The following ELP4 variants were observed in gnomAD, a reference collection of about 807,000 sequenced individuals.
ELP4 encodes elongator acetyltransferase complex subunit 4.
ELP4 carries 51 observed loss-of-function variants against 48.9 expected under a neutral mutation model. That is an observed-to-expected ratio of 1.04 (90% CI 0.83 to 1.32). ELP4 has a LOEUF of 1.32. ELP4 is among the 40% of genes most tolerant of loss of function. The pLI is 0.00. For synonymous variants in ELP4, 210 were observed against 189.2 expected (o/e 1.11, Z -0.90); for missense variants, 519 against 514.6 (o/e 1.01, Z -0.08).
At chr11:31,676,602 C>T (rs558838548) in intron 9 of ELP4, among the ~76,000 whole-genome samples, 13 of 152,228 alleles carry the variant, frequency 8.5e-5, no homozygotes, top group African/African-American at 3.1e-4. Context: ...AAATTGTATA[C>T]AAGAATGAAT....
At chr11:31,556,704 G>A (rs372223303) in intron 3 of ELP4, among the ~76,000 whole-genome samples, 7 of 151,824 alleles carry the variant, frequency 4.6e-5, no homozygotes, top group African/African-American at 1.7e-4. Context: ...CTAAGATCGA[G>A]AGCAAAACAT....
chr11:31,672,067 AGCAAGG>A (rs1945821334), intron 9 of ELP4, among the ~76,000 whole-genome samples: 1 of 152,178 alleles, frequency 6.6e-6, no homozygotes, highest in Non-Finnish European at 1.5e-5. Flanking sequence ...GGGCTGGGGC[AGCAAGG>A]CTGATGACTA....
chr11:31,524,702 G>A (rs1956271135), intron 2 of ELP4, among the ~76,000 whole-genome samples: 1 of 152,170 alleles, frequency 6.6e-6, no homozygotes, highest in South Asian at 2.1e-4. Context: ...GAATATTATA[G>A]TATTTCTTGT....
chr11:31,699,558 C>T (rs1946477368), intron 9 of ELP4, among the ~76,000 whole-genome samples: 1 of 152,140 alleles, frequency 6.6e-6, no homozygotes, highest in Non-Finnish European at 1.5e-5. Context: ...TAGTTCATCA[C>T]CCATAGTTCA....
At chr11:31,776,941 T>G (rs1338700656) in intron 9 of ELP4, among the ~76,000 whole-genome samples, 1 of 152,202 alleles carries the variant, frequency 6.6e-6, no homozygotes, top group Non-Finnish European at 1.5e-5. Flanking sequence ...TGCTACCAAA[T>G]GTACACTTGC....
At chr11:31,732,806 CAA>C (rs1325556566) in intron 9 of ELP4, among the ~76,000 whole-genome samples, 13 of 152,012 alleles carry the variant, frequency 8.6e-5, no homozygotes. Context: ...AAAACTGACA[CAA>C]GAGACAAAGA....
chr11:31,638,121 T>C (rs1036086267), intron 7 of ELP4, among the ~76,000 whole-genome samples: 2 of 151,884 alleles, frequency 1.3e-5, no homozygotes, highest in African/African-American at 4.8e-5. Flanking sequence ...AAAATTTACT[T>C]ATTATTGCTA....
chr11:31,657,351 C>T (rs1247320440), intron 9 of ELP4, among the ~76,000 whole-genome samples: 2 of 152,000 alleles, frequency 1.3e-5, no homozygotes, highest in Non-Finnish European at 2.9e-5. Flanking sequence ...CTGAGTTACT[C>T]ACCCTCATGT....
chr11:31,698,746 A>G (rs1026690987), intron 9 of ELP4, among the ~76,000 whole-genome samples: 5 of 152,102 alleles, frequency 3.3e-5, no homozygotes, highest in African/African-American at 1.2e-4. Flanking sequence ...CTATATTTCT[A>G]CCTGATTCTC....
chr11:31,598,152 C>T (rs1469916507), intron 4 of ELP4, among the ~76,000 whole-genome samples: 1 of 151,814 alleles, frequency 6.6e-6, no homozygotes, highest in Non-Finnish European at 1.5e-5. Context: ...GATGGGGTTT[C>T]ACTGTGTTGG....
intron 3 of ELP4, among the ~76,000 whole-genome samples, chr11:31,557,739 T>C (rs1338057513): frequency 6.6e-6 from 1 of 152,088 alleles, no homozygotes; most frequent in Non-Finnish European, 1.5e-5. Flanking sequence ...TCCAAAGTTG[T>C]AATCATATAC....
At chr11:31,579,022 AT>A (rs1362148944) in intron 3 of ELP4, among the ~76,000 whole-genome samples, 1 of 152,192 alleles carries the variant, frequency 6.6e-6, no homozygotes, top group Admixed American at 6.5e-5. Flanking sequence ...ATGGGAGAAA[AT>A]TTTTACAATC....
chr11:31,707,672 C>G (rs1363206746), intron 9 of ELP4, among the ~76,000 whole-genome samples: 2 of 152,020 alleles, frequency 1.3e-5, no homozygotes, highest in Admixed American at 6.6e-5. Flanking sequence ...AATTATTTCC[C>G]TATAATTCTA....
At chr11:31,748,975 G>A (rs946383744) in intron 9 of ELP4, among the ~76,000 whole-genome samples, 13 of 152,146 alleles carry the variant, frequency 8.5e-5, no homozygotes, top group Middle Eastern at 3.2e-3. Flanking sequence ...TTAGTATAAG[G>A]CTAAAAGAGG....
rs537248613 is a variant in ELP4 at position 31,537,341 on chromosome 11, C to A, written c.260-2321C>A. On this transcript the variant is annotated intron_variant, in intron 2 of 9. Transcript: ENST00000640961. Reference sequence around the variant, plus strand: ...TATGGATTTATTTCTGGACTCTATTCTTTTCCACTGATATATATTTCTGTC... The same window carrying A: ...TATGGATTTATTTCTGGACTCTATTATTTTCCACTGATATATATTTCTGTC... Among the ~76,000 whole-genome samples, 7 of 152,284 alleles carry A rather than the reference C, an allele frequency of 4.6e-5. No homozygotes were observed. The South Asian group carries it at 1.2e-3, about 27-fold the overall frequency.
chr11:31,707,526 A>C (rs1012702925), intron 9 of ELP4: 1 of 152,178 alleles, frequency 6.6e-6, no homozygotes, highest in Non-Finnish European at 1.5e-5. Context: ...CATGGCAAGA[A>C]TTCATCAATT....
At chr11:31,698,819 G>T (rs937713509) in intron 9 of ELP4, among the ~76,000 whole-genome samples, 1 of 152,244 alleles carries the variant, frequency 6.6e-6, no homozygotes, top group South Asian at 2.1e-4. Flanking sequence ...GGAGGTGATT[G>T]CTGTATGAAG....
intron 5 of ELP4, among the ~76,000 whole-genome samples, chr11:31,605,409 T>C (rs1350603522): frequency 1.3e-5 from 2 of 152,074 alleles, no homozygotes; most frequent in Admixed American, 6.6e-5. Context: ...TGCATTTACA[T>C]AGAAGCTTGC....
At chr11:31,539,844 A>C in intron 3 of ELP4, 61 bp downstream of exon 3, 1 of 1,418,692 alleles carries the variant, frequency 7.0e-7, no homozygotes, top group Non-Finnish European at 9.5e-7. Flanking sequence ...TATTGTTTAT[A>C]TATGTAAACA....
Sources: allele counts gnomAD v4.1 joint callset (sites outside exome capture counted in the v4.1 genomes callset), GRCh38; gene constraint gnomAD v4.1.1; transcripts MANE v1.5; gene names NCBI Gene and HGNC (gene_info 2026-07-23, HGNC 2026-07-21).